The following SOX30 variants were observed in gnomAD, a reference collection of about 807,000 sequenced individuals.
The protein encoded by SOX30 is transcription factor SOX-30.
In SOX30, 17 loss-of-function variants were observed where a neutral mutation model predicts 58.6. The ratio of observed to expected loss-of-function variants is 0.29; its 90% CI spans 0.20 to 0.44. The LOEUF is 0.44. SOX30 is among the 20% of genes least tolerant of loss of function. SOX30 has a pLI of 1.00. For synonymous variants in SOX30, 421 were observed against 400.2 expected, an observed-to-expected ratio of 1.05 and a Z score of -0.62; for missense variants, 951 against 965.8, an observed-to-expected ratio of 0.98 and a Z score of 0.20.
chr5:157,629,502 T>C (rs765548349), intron 4 of SOX30, among the ~76,000 whole-genome samples: 2 of 152,084 alleles, frequency 1.3e-5, no homozygotes, highest in Non-Finnish European at 2.9e-5. Context: ...TAAAGACGAG[T>C]TCGTGTTATA....
Position 157,651,446 on chromosome 5 carries a change from C to T in SOX30, c.633G>A (p.Val211=). 1 of 1,613,458 alleles carries T rather than the reference C, an allele frequency of 6.2e-7. No individual in the cohort carries two copies. The highest frequency in any genetic ancestry group is 8.5e-7 in the Non-Finnish European group (1 of 1,180,016). The change falls in exon 1 of 5, where the codon GTG becomes GTA. Residue 211 remains valine, a synonymous_variant. Transcript: ENST00000265007. ...GKSPAAIREG[V]IKTEEPERLL... ...GTCTCTCGGGTTCCTCCGTTTTGAT[C>T]ACACCTTCTCGGATGGCTGCCGGGC...
At position 157,626,424 on chromosome 5, in the gene SOX30, C is replaced by T. The variant is rs537052698; in HGVS notation, c.2178G>A (p.Pro726=). 4.3e-5 allele frequency: 69 copies of T among 1,614,086 alleles called. No individual in the cohort carries two copies. The East Asian group carries it at 1.0e-3, about 24-fold the overall frequency. ...IGTLENVFTA[P]TSTPSSIQQV... ...GCTGGATGCTAGAAGGAGTTGATGT[C>T]GGGGCTGTGAAGACATTCTCCAAGG... The change falls in exon 5 of 5, where the codon CCG becomes CCA. Residue 726 remains proline, a synonymous_variant. Coordinates refer to ENST00000265007, the MANE Select transcript of SOX30 (RefSeq NM_178424.2).
intron 3 of SOX30, 23 bp downstream of exon 3, chr5:157,646,613 TA>T: frequency 6.5e-7 from 1 of 1,543,630 alleles, no homozygotes; most frequent in Non-Finnish European, 8.8e-7. Context: ...TAAAAAATAG[TA>T]ATCTACAATA....
intron 1 of SOX30, among the ~76,000 whole-genome samples, chr5:157,669,737 G>T (rs1759742175): frequency 6.6e-6 from 1 of 151,628 alleles, no homozygotes; most frequent in Admixed American, 6.6e-5. Flanking sequence ...GGTTGGTCTC[G>T]AAAACTCCTG....
Position 157,652,035 on chromosome 5 carries a change from A to C in SOX30, c.44T>G (p.Leu15Trp). 2.1e-6 allele frequency: 3 copies of C among 1,425,566 alleles called. No individual in the cohort carries two copies. The highest frequency in any genetic ancestry group is 2.7e-6 in the Non-Finnish European group (3 of 1,098,458). The allele number at this position is 1,425,566 out of a possible 1,614,324, so 88.3% of individuals were successfully genotyped here. ...RPEPPPQPRP[L>W]RPAPPPLPVE... ...CGGCAGCGGGGGCGGAGCGGGACGC[A>C]ACGGGCGCGGCTGAGGCGGCGGCTC... Residue 15 changes from leucine to tryptophan, a missense_variant, in exon 1 of 5, where the codon TTG (leucine) becomes TGG (tryptophan). Physicochemically the swap from Leu to Trp is moderately conservative, Grantham distance 61. Transcript: ENST00000265007.
At chr5:157,638,778 CT>C in intron 3 of SOX30, 56 bp from the exon 4 acceptor site, 1 of 1,514,474 alleles carries the variant, frequency 6.6e-7, no homozygotes, top group Non-Finnish European at 8.9e-7. Context: ...CCATGTTTTT[CT>C]TCTTTCAGTA....
intron 2 of SOX30, among the ~76,000 whole-genome samples, chr5:157,660,400 C>T (rs911832493): frequency 1.3e-5 from 2 of 150,104 alleles, no homozygotes; most frequent in African/African-American, 4.9e-5. Flanking sequence ...CCAGCCTGGG[C>T]AACAGAGTGA....
chr5:157,630,929 A>ATT (rs529224130), intron 4 of SOX30, among the ~76,000 whole-genome samples: 11,567 of 132,264 alleles, frequency 0.087, 639 homozygotes, highest in Middle Eastern at 0.15. Context: ...TATATTATAT[A>ATT]TTATATATAT....
Position 157,651,604 on chromosome 5 carries a change from C to G in SOX30, c.475G>C (p.Gly159Arg). ...TTGACCACCCTGGAGGCTCTAGGAC[C>G]GGTTTCGACGGCCCCTCGAGGCCCC... ...SVGPRGAVETGPRASRVVKLE... is the reference protein window; with the variant it reads ...SVGPRGAVETRPRASRVVKLE... Residue 159 changes from glycine (G) to arginine (R), a missense_variant, in exon 1 of 5, where the codon GGT (glycine) becomes CGT (arginine). Gly to Arg is a moderately radical substitution (Grantham distance 125, BLOSUM62 -2). Coordinates refer to ENST00000265007, the MANE Select transcript of SOX30 (RefSeq NM_178424.2). 6.2e-7 allele frequency: 1 copy of G among 1,612,974 alleles called. No homozygotes were observed.
intron 2 of SOX30, among the ~76,000 whole-genome samples, chr5:157,664,921 T>C (rs1040907023): frequency 7.2e-5 from 11 of 152,176 alleles, no homozygotes; most frequent in African/African-American, 2.7e-4. Flanking sequence ...CCAGTTAGAA[T>C]GGCGATCATT....
At chr5:157,670,264 G>A (rs1446298552) in intron 1 of SOX30, among the ~76,000 whole-genome samples, 1 of 152,204 alleles carries the variant, frequency 6.6e-6, no homozygotes, top group Non-Finnish European at 1.5e-5. Context: ...ACTGTATTAG[G>A]TGTTGGAGAT....
chr5:157,656,122 A>T, upstream of SOX30, among the ~76,000 whole-genome samples: 1 of 152,154 alleles, frequency 6.6e-6, no homozygotes, highest in East Asian at 1.9e-4. Context: ...TTCCCATCTT[A>T]GGAGATGAGT....
rs1272381586 is a variant in SOX30, at chr5:157,645,375, G to A, written c.1387+1262C>T. Among the ~76,000 whole-genome samples the A allele has an allele frequency of 2.6e-5, 4 of 151,454 alleles. No homozygotes were observed. In the Admixed American group the frequency reaches 2.6e-4, roughly 10 times the overall value. On this transcript the variant is annotated intron_variant, in intron 3 of 4. Coordinates refer to ENST00000265007, the MANE Select transcript of SOX30 (RefSeq NM_178424.2). Reference sequence around the variant, plus strand: ...GTTTACGCAGTCTTAGTAGGTTTAAGAAAGTGGGCCAGATATGGTGGTTCA... The same window carrying A: ...GTTTACGCAGTCTTAGTAGGTTTAAAAAAGTGGGCCAGATATGGTGGTTCA...
chr5:157,645,010 A>T (rs1759153687), intron 3 of SOX30, among the ~76,000 whole-genome samples: 1 of 152,092 alleles, frequency 6.6e-6, no homozygotes, highest in Non-Finnish European at 1.5e-5. Flanking sequence ...TAACAGAAAA[A>T]CAAGGTAAGT....
At chr5:157,660,054 G>A (rs372970296) in intron 2 of SOX30, among the ~76,000 whole-genome samples, 6 of 152,292 alleles carry the variant, frequency 3.9e-5, no homozygotes, top group East Asian at 1.9e-4. Flanking sequence ...GAATTCCAAC[G>A]GGAGGAATGT....
At chr5:157,635,193 G>C (rs971108306) in intron 4 of SOX30, among the ~76,000 whole-genome samples, 2 of 152,204 alleles carry the variant, frequency 1.3e-5, no homozygotes, top group African/African-American at 4.8e-5. Flanking sequence ...AATGTTTATA[G>C]TTGACATACT....
Position 157,651,800 on chromosome 5 carries a change from G to A in SOX30, c.279C>T (p.Ala93=), listed in dbSNP as rs372275700. 4.3e-4 allele frequency: 680 copies of A among 1,580,208 alleles called. 6 individuals are homozygous for A. Among genetic ancestry groups the A allele is most frequent in the Admixed American group, 1.4e-4 (8 of 55,884 alleles). ...QPQAQNEEAA[A]SSAQARLLQF... ...GCAACAGCCGCGCCTGCGCGGACGA[G>A]GCAGCGGCTTCCTCGTTCTGGGCCT... Residue 93 remains alanine, a synonymous_variant, in exon 1 of 5, where the codon GCC becomes GCT. Coordinates refer to ENST00000265007, the MANE Select transcript of SOX30 (RefSeq NM_178424.2).
In SOX30 at chr5:157,638,322, G is replaced by A; in HGVS notation, c.1788C>T (p.Pro596=). 1.2e-6 allele frequency: 2 copies of A among 1,611,446 alleles called. No individual in the cohort carries two copies. Among genetic ancestry groups the A allele is most frequent in the South Asian group, 1.1e-5 (1 of 90,756 alleles). The change falls in exon 4 of 5, where the codon CCC becomes CCT. Residue 596 remains proline, a synonymous_variant. Transcript: ENST00000265007. Reference sequence around the variant, plus strand: ...CGAACAGTGTGGCTGGATGGCCAAGGGGAGGGGGCTGGTAGACATGTGGGT... The same window carrying A: ...CGAACAGTGTGGCTGGATGGCCAAGAGGAGGGGGCTGGTAGACATGTGGGT... The part of the protein sequence containing the change: ...IPHPHVYQPP[P]LGHPATLFGT...
At chr5:157,661,343 G>A (rs1424681821) in intron 2 of SOX30, among the ~76,000 whole-genome samples, 1 of 152,202 alleles carries the variant, frequency 6.6e-6, no homozygotes, top group Non-Finnish European at 1.5e-5. Context: ...ACCATGAATA[G>A]TAGTTCAATT....
Sources: allele counts gnomAD v4.1 joint callset (sites outside exome capture counted in the v4.1 genomes callset), GRCh38; gene constraint gnomAD v4.1.1; transcripts MANE v1.5; gene names NCBI Gene and HGNC (gene_info 2026-07-23, HGNC 2026-07-21).